Variants in LCLAT1 observed in about 807,000 individuals in gnomAD.
LCLAT1 encodes the protein 1-AGP acyltransferase 8.
LCLAT1 carries 11 observed loss-of-function variants against 30.7 expected under a neutral mutation model. That is an observed-to-expected ratio of 0.36 (90% confidence interval 0.23 to 0.59). The LOEUF is 0.59. LCLAT1 is among the 20% of genes least tolerant of loss of function. LCLAT1 has a pLI of 0.77. For missense variants in LCLAT1, 402 were observed against 458.6 expected (o/e 0.88, Z 1.13); for synonymous variants, 155 against 151.3 (o/e 1.02, Z -0.18).
chr2:30,626,885 A>G (rs1205775816), intron 5 of LCLAT1, among the ~76,000 whole-genome samples: 2 of 152,140 alleles, frequency 1.3e-5, no homozygotes, highest in Non-Finnish European at 2.9e-5. Flanking sequence ...TGGGTTATCT[A>G]AACTTTTTTT....
intron 1 of LCLAT1, among the ~76,000 whole-genome samples, chr2:30,469,141 C>G (rs1275953689): frequency 6.6e-6 from 1 of 152,074 alleles, no homozygotes; most frequent in Non-Finnish European, 1.5e-5. Context: ...TTTATGTATT[C>G]TGGATACTAG....
At chr2:30,550,968 G>A (rs938534981) in intron 3 of LCLAT1, among the ~76,000 whole-genome samples, 2 of 152,008 alleles carry the variant, frequency 1.3e-5, no homozygotes, top group African/African-American at 4.8e-5. Flanking sequence ...GTAATGGCCA[G>A]CTTTGGCCAT....
intron 5 of LCLAT1, among the ~76,000 whole-genome samples, chr2:30,577,268 G>A (rs1320288654): frequency 1.3e-5 from 2 of 152,002 alleles, no homozygotes; most frequent in African/African-American, 4.8e-5. Flanking sequence ...TGCATAAAGT[G>A]TAAGACGTTG....
chr2:30,556,817 C>T (rs999534880), intron 3 of LCLAT1, among the ~76,000 whole-genome samples: 5 of 149,274 alleles, frequency 3.3e-5, no homozygotes, highest in Admixed American at 2.7e-4. Context: ...ACGATCTCGG[C>T]GCACTGCAAC....
intron 1 of LCLAT1, among the ~76,000 whole-genome samples, chr2:30,450,990 T>A (rs1173694395): frequency 1.3e-5 from 2 of 152,162 alleles, no homozygotes; most frequent in African/African-American, 4.8e-5. Context: ...CGTGTGTGTG[T>A]GTTTATTTGT....
chr2:30,542,227 T>G (rs1664176502), intron 3 of LCLAT1, among the ~76,000 whole-genome samples: 1 of 152,168 alleles, frequency 6.6e-6, no homozygotes, highest in African/African-American at 2.4e-5. Flanking sequence ...CATGAGGTCT[T>G]TTTAAACCAT....
intron 5 of LCLAT1, among the ~76,000 whole-genome samples, chr2:30,602,457 G>A (rs879249001): frequency 2.4e-4 from 36 of 152,078 alleles, no homozygotes; most frequent in African/African-American, 8.7e-4. Context: ...ATTTTGTTTC[G>A]GTGGTCCCCA....
intron 1 of LCLAT1, among the ~76,000 whole-genome samples, chr2:30,482,940 C>T (rs946065836): frequency 7.2e-5 from 11 of 152,090 alleles, no homozygotes; most frequent in African/African-American, 2.2e-4. Context: ...CAAGGAAAGT[C>T]GGAGAAACTG....
chr2:30,516,781 A>G (rs1375865915), intron 1 of LCLAT1, among the ~76,000 whole-genome samples: 1 of 152,172 alleles, frequency 6.6e-6, no homozygotes, highest in Non-Finnish European at 1.5e-5. Flanking sequence ...ATTCTGTCCT[A>G]TCCTTCCTTA....
intron 5 of LCLAT1, among the ~76,000 whole-genome samples, chr2:30,591,470 A>G (rs1666690803): frequency 6.6e-6 from 1 of 152,222 alleles, no homozygotes; most frequent in South Asian, 2.1e-4. Flanking sequence ...CTTTAAGGTC[A>G]ACAAATGAAA....
intron 3 of LCLAT1, among the ~76,000 whole-genome samples, chr2:30,542,823 T>A (rs1664206824): frequency 1.3e-5 from 2 of 152,274 alleles, no homozygotes; most frequent in South Asian, 4.1e-4. Context: ...ATGCAGTTGA[T>A]TTTTGTATCC....
chr2:30,618,241 A>AT (rs144554658), intron 5 of LCLAT1, among the ~76,000 whole-genome samples: 2,492 of 152,176 alleles, frequency 0.016, 73 homozygotes, highest in African/African-American at 0.057. Context: ...TTGTTTTCTT[A>AT]TTCTAGTTCC....
At chr2:30,515,871 G>C (rs1486101559) in intron 1 of LCLAT1, among the ~76,000 whole-genome samples, 4 of 152,042 alleles carry the variant, frequency 2.6e-5, no homozygotes, top group African/African-American at 9.7e-5. Flanking sequence ...TTTTCTTCCA[G>C]CAGAAGCTGG....
At chr2:30,530,143 A>G (rs1685916377) in intron 2 of LCLAT1, among the ~76,000 whole-genome samples, 1 of 152,246 alleles carries the variant, frequency 6.6e-6, no homozygotes, top group Non-Finnish European at 1.5e-5. Flanking sequence ...AAAAATTATC[A>G]GAATTGTTAC....
chr2:30,606,858 TCA>T (rs539403608), intron 5 of LCLAT1: 49 of 152,082 alleles, frequency 3.2e-4, no homozygotes, highest in African/African-American at 1.1e-3. Flanking sequence ...GGTCTAATAT[TCA>T]GAGTCAACAA....
intron 5 of LCLAT1, among the ~76,000 whole-genome samples, chr2:30,610,317 G>T (rs1252937981): frequency 1.3e-5 from 2 of 151,908 alleles, no homozygotes; most frequent in Non-Finnish European, 2.9e-5. Context: ...GCTTCTCATG[G>T]TCTCTGTCTA....
chr2:30,610,989 G>C (rs1390811787), intron 5 of LCLAT1, among the ~76,000 whole-genome samples: 1 of 137,100 alleles, frequency 7.3e-6, no homozygotes, highest in African/African-American at 2.7e-5. Flanking sequence ...GTTTAATTTT[G>C]TTTTTTTTTC....
chr2:30,522,650 T>C (rs906379234), intron 1 of LCLAT1, among the ~76,000 whole-genome samples: 3 of 152,182 alleles, frequency 2.0e-5, no homozygotes, highest in Non-Finnish European at 4.4e-5. Flanking sequence ...TATTGAATCA[T>C]TGAAAATCAA....
chr2:30,450,420 A>C (rs201308519), intron 1 of LCLAT1, among the ~76,000 whole-genome samples: 1 of 92,086 alleles, frequency 1.1e-5, no homozygotes, highest in African/African-American at 3.7e-5. Flanking sequence ...AGAGAGTGGG[A>C]ACTCTCCTGC....
Sources: allele counts gnomAD v4.1 joint callset (sites outside exome capture counted in the v4.1 genomes callset), GRCh38; gene constraint gnomAD v4.1.1; transcripts MANE v1.5; gene names NCBI Gene and HGNC (gene_info 2026-07-23, HGNC 2026-07-21).